The following MGRN1 variants were observed in gnomAD, a reference collection of about 807,000 sequenced individuals.
MGRN1 encodes the protein E3 ubiquitin-protein ligase MGRN1.
In MGRN1, 29 loss-of-function variants were observed where a neutral mutation model predicts 69.2. The observed-to-expected ratio is 0.42, with a 90% CI of 0.31 to 0.57. The LOEUF is 0.57. MGRN1 is among the 20% of genes least tolerant of loss of function. The pLI, the probability that MGRN1 is intolerant of heterozygous loss-of-function variation, is 0.15. For synonymous variants in MGRN1, 470 were observed against 344.2 expected (o/e 1.37, Z -4.04); for missense variants, 998 against 796.2 (o/e 1.25, Z -3.05).
rs533741292 is a variant in MGRN1 at position 4,652,732 on chromosome 16, C to T, written c.351C>T (p.Leu117=). ...PTEDGDKPRV[L]YSLEFTFDAD... ...AGGACGGCGACAAGCCCCGGGTGCT[C>T]TACAGCCTGGAGTTCACCTTCGACG... Residue 117 remains leucine (L), a synonymous_variant, in exon 4 of 17, where the codon CTC becomes CTT. Transcript: ENST00000262370. The T allele has an allele frequency of 2.5e-5, 41 of 1,613,388 alleles. No individual in the cohort carries two copies. In the East Asian group the frequency reaches 7.4e-4, roughly 29 times the overall value.
At chr16:4,664,252 C>G (rs576160825) in intron 5 of MGRN1, 7 of 230,274 alleles carry the variant, frequency 3.0e-5, no homozygotes, top group Admixed American at 5.2e-5. Flanking sequence ...GGAAACATAC[C>G]TAGACACAGA....
At chr16:4,652,287 G>A (rs980016645) in intron 3 of MGRN1, among the ~76,000 whole-genome samples, 2 of 152,160 alleles carry the variant, frequency 1.3e-5, no homozygotes, top group East Asian at 3.9e-4. Context: ...GTGTCTGGAG[G>A]CAGCCAGGTG....
At chr16:4,653,296 G>A (rs957900785) in intron 4 of MGRN1, among the ~76,000 whole-genome samples, 3 of 152,124 alleles carry the variant, frequency 2.0e-5, no homozygotes, top group Non-Finnish European at 4.4e-5. Flanking sequence ...GGTGAGGTGT[G>A]GGGGAAGGGG....
At chr16:4,674,626 CTTTT>C (rs71139654) in intron 10 of MGRN1, among the ~76,000 whole-genome samples, 19 of 47,264 alleles carry the variant, frequency 4.0e-4, no homozygotes, top group Admixed American at 1.4e-3. Context: ...CTTTTCTTTT[CTTTT>C]TTTTTTTTTT....
chr16:4,665,967 C>G (rs1014379628), intron 7 of MGRN1, among the ~76,000 whole-genome samples: 5 of 151,880 alleles, frequency 3.3e-5, no homozygotes, highest in Admixed American at 6.6e-5. Flanking sequence ...GCAGCTGGTA[C>G]TACAGATGCC....
chr16:4,655,718 A>G (rs1343536497), intron 4 of MGRN1, among the ~76,000 whole-genome samples: 2 of 152,128 alleles, frequency 1.3e-5, no homozygotes, highest in Non-Finnish European at 2.9e-5. Flanking sequence ...ACAGAAAAGG[A>G]CCTGGAGGCT....
intron 1 of MGRN1, among the ~76,000 whole-genome samples, chr16:4,642,384 G>A (rs1049498221): frequency 3.3e-5 from 5 of 151,698 alleles, no homozygotes; most frequent in African/African-American, 1.2e-4. Context: ...GGTAACCTTC[G>A]TCTCCTGAGT....
chr16:4,684,054 C>T (rs561365226), intron 16 of MGRN1, 122 bp downstream of exon 16: 2 of 884,798 alleles, frequency 2.3e-6, no homozygotes, highest in Non-Finnish European at 3.5e-6. Flanking sequence ...TGGTTCTCTC[C>T]CTGGCTCTCA....
intron 3 of MGRN1, 120 bp downstream of exon 3, chr16:4,652,171 C>G (rs2078423860): frequency 1.1e-6 from 1 of 902,004 alleles, no homozygotes; most frequent in Admixed American, 2.3e-5. Context: ...CTGCGCCCTC[C>G]CGTGTGGAAT....
At chr16:4,636,044 C>T (rs1898273286) in intron 1 of MGRN1, among the ~76,000 whole-genome samples, 1 of 151,758 alleles carries the variant, frequency 6.6e-6, no homozygotes, top group Non-Finnish European at 1.5e-5. Context: ...TCAGGTGATC[C>T]ACCTGCCTCG....
chr16:4,659,767 G>C (rs1055721916), intron 5 of MGRN1, among the ~76,000 whole-genome samples: 5 of 152,352 alleles, frequency 3.3e-5, no homozygotes, highest in Admixed American at 3.3e-4. Flanking sequence ...CATTTGGTCT[G>C]GTTTAAGAAA....
chr16:4,631,045 G>A (rs1463140327), intron 1 of MGRN1, among the ~76,000 whole-genome samples: 1 of 151,502 alleles, frequency 6.6e-6, no homozygotes. Flanking sequence ...TGGCCTCAAA[G>A]TCCTGGACTC....
intron 16 of MGRN1, chr16:4,687,952 C>G (rs1182495946): frequency 2.0e-6 from 2 of 985,734 alleles, no homozygotes; most frequent in Non-Finnish European, 2.4e-6. Flanking sequence ...TTCAGACGGC[C>G]CCGGCCTGCG....
At chr16:4,688,270 G>A (rs751684808) in intron 16 of MGRN1, 5 of 985,798 alleles carry the variant, frequency 5.1e-6, no homozygotes, top group East Asian at 1.1e-4. Context: ...GCCCGGCGGC[G>A]TCGTGCAGGC....
Position 4,671,407 on chromosome 16 carries a change from A to C in MGRN1, c.743A>C (p.Tyr248Ser). ...GCTCTCCAGGTGGACCGGGTCAGCT[A>C]CCTCCTGCAGGAGATCTATGGCATT... is the stretch of plus-strand genomic sequence containing the variant. ...KQKQIVDRVS[Y>S]LLQEIYGIEN... is the part of the protein sequence containing the mutation. Residue 248 changes from tyrosine to serine, a missense_variant, in exon 9 of 17, where the codon TAC becomes TCC. Coordinates refer to ENST00000262370, the MANE Select transcript of MGRN1 (RefSeq NM_015246.4). The C allele has an allele frequency of 1.2e-6, 2 of 1,613,954 alleles. No individual in the cohort carries two copies. Among genetic ancestry groups the C allele is most frequent in the Non-Finnish European group, 1.7e-6 (2 of 1,179,940 alleles).
At chr16:4,669,425 CTG>C (rs1427823263) in intron 8 of MGRN1, among the ~76,000 whole-genome samples, 2 of 52,658 alleles carry the variant, frequency 3.8e-5, no homozygotes, top group Non-Finnish European at 4.2e-5. Context: ...CAGAGGAAGA[CTG>C]TGTCAAAAAA....
Position 4,683,284 on chromosome 16 carries a change from C to A in MGRN1, c.1528+15C>A. 1 of 1,613,586 alleles carries A rather than the reference C, an allele frequency of 6.2e-7. No homozygotes were observed. Among genetic ancestry groups the A allele is most frequent in the Non-Finnish European group, 8.5e-7 (1 of 1,179,892 alleles). On this transcript the variant is annotated intron_variant, in intron 15 of 16. Coordinates refer to ENST00000262370, the MANE Select transcript of MGRN1 (RefSeq NM_015246.4). Reference sequence around the variant, plus strand: ...ACCACAGCAAGGTGAGCGCCTCCTTCCATGGGCACAAACCGCATGCAGGGA... The same window carrying A: ...ACCACAGCAAGGTGAGCGCCTCCTTACATGGGCACAAACCGCATGCAGGGA...
chr16:4,682,638 C>T (rs551730500), intron 13 of MGRN1, among the ~76,000 whole-genome samples, 185 bp from the exon 14 acceptor site: 8 of 152,282 alleles, frequency 5.3e-5, no homozygotes, highest in Middle Eastern at 3.4e-3. Flanking sequence ...CTGTGGTGGC[C>T]GCTGTTGCCT....
intron 5 of MGRN1, among the ~76,000 whole-genome samples, chr16:4,663,073 T>G (rs2078718218): frequency 6.6e-6 from 1 of 152,186 alleles, no homozygotes; most frequent in Admixed American, 6.5e-5. Context: ...ATATTTTGTT[T>G]TTGTTTTTGA....
Sources: gnomAD v4.1 joint callset for allele counts (sites outside exome capture counted in the v4.1 genomes callset) on GRCh38, gnomAD v4.1.1 for gene constraint, MANE v1.5 for transcripts, NCBI Gene and HGNC (gene_info 2026-07-23, HGNC 2026-07-21) for gene names.